The following LMTK2 variants were observed in gnomAD, a reference collection of about 807,000 sequenced individuals.
LMTK2 encodes lemur tail kinase 2, also known as serine/threonine-protein kinase LMTK2.
A neutral mutation model predicts 127.5 loss-of-function variants in LMTK2; 37 were observed. That is an observed-to-expected ratio of 0.29 (90% CI 0.22 to 0.38). The LOEUF is 0.38. Ranked by LOEUF, LMTK2 falls within the 10% of genes least tolerant of loss-of-function variation. LMTK2 has a pLI of 1.00. For synonymous variants in LMTK2, 819 were observed against 810.1 expected (o/e 1.01, Z -0.19); for missense variants, 1,694 against 1,920.3 (o/e 0.88, Z 2.20).
rs1797841792 is a variant in LMTK2, at chr7:98,208,454, C to G, written c.*2962C>G. On this transcript the variant is annotated 3_prime_UTR_variant, in exon 14 of 14. Transcript: ENST00000297293. ...GGTGGGTTTTCAAAATGTACTTGTT[C>G]TAATAAGTTGTACAATGAACTAAAT... The G allele has an allele frequency of 6.6e-6, 1 of 152,008 alleles. No homozygotes were observed. The highest frequency in any genetic ancestry group is 2.4e-5 in the African/African-American group (1 of 41,368). The allele number at this position is 152,008 out of a possible 1,614,324, so 9.4% of individuals were successfully genotyped here.
At chr7:98,126,916 T>G (rs1796453025) in intron 1 of LMTK2, among the ~76,000 whole-genome samples, 1 of 152,198 alleles carries the variant, frequency 6.6e-6, no homozygotes, top group Non-Finnish European at 1.5e-5. Context: ...GATTCTGGCT[T>G]AGGGTCTTTG....
chr7:98,146,768 A>G (rs944545643), intron 3 of LMTK2, among the ~76,000 whole-genome samples: 1 of 152,212 alleles, frequency 6.6e-6, no homozygotes, highest in African/African-American at 2.4e-5. Context: ...GTAGGAAATA[A>G]AAAGAGGCGT....
chr7:98,197,849 C>G (rs1007103466), intron 11 of LMTK2, among the ~76,000 whole-genome samples: 1 of 152,154 alleles, frequency 6.6e-6, no homozygotes, highest in Non-Finnish European at 1.5e-5. Flanking sequence ...CTGAGAGGCT[C>G]CTGCTCTCCA....
At chr7:98,151,809 G>A (rs979279709) in intron 4 of LMTK2, among the ~76,000 whole-genome samples, 13 of 152,180 alleles carry the variant, frequency 8.5e-5, no homozygotes, top group Admixed American at 3.3e-4. Flanking sequence ...TTCCTGCTGC[G>A]TCCTCCCGTG....
chr7:98,113,930 ATTCTT>A (rs1477268495), intron 1 of LMTK2, among the ~76,000 whole-genome samples: 2 of 144,288 alleles, frequency 1.4e-5, no homozygotes, highest in African/African-American at 5.3e-5. Flanking sequence ...TCATTATTAA[ATTCTT>A]TTTTTTTTTT....
In LMTK2 at chr7:98,129,242, G is replaced by A. The variant is rs142345186; in HGVS notation, c.104-8073G>A. 3.8e-3 allele frequency among the ~76,000 whole-genome samples: 581 copies of A among 151,830 alleles called. 6 individuals carry two copies. The highest frequency in any genetic ancestry group is 0.02 in the Admixed American group (300 of 15,258). On this transcript the variant is annotated intron_variant, in intron 1 of 13. Coordinates refer to ENST00000297293, the MANE Select transcript of LMTK2 (RefSeq NM_014916.4). Reference sequence around the variant, plus strand: ...TGGGACTACAGGCTCATGCCACCACGCCCGGCTAAGTTTTTGTATTTTTTT... The same window carrying A: ...TGGGACTACAGGCTCATGCCACCACACCCGGCTAAGTTTTTGTATTTTTTT...
At chr7:98,175,474 T>C (rs1797262862) in intron 7 of LMTK2, among the ~76,000 whole-genome samples, 1 of 152,206 alleles carries the variant, frequency 6.6e-6, no homozygotes, top group African/African-American at 2.4e-5. Flanking sequence ...GCCTTCAGGC[T>C]GTGTTCTGTA....
intron 7 of LMTK2, among the ~76,000 whole-genome samples, chr7:98,181,422 T>C (rs529507458): frequency 2.0e-5 from 3 of 152,276 alleles, no homozygotes; most frequent in South Asian, 2.1e-4. Flanking sequence ...ATTACAGATA[T>C]AGAAAAGCAT....
rs776491397 is a variant in LMTK2 at position 98,193,102 on chromosome 7, G to A, written c.2637G>A (p.Leu879=). Residue 879 remains leucine (L), a synonymous_variant, in exon 11 of 14, where the codon CTG becomes CTA. Transcript: ENST00000297293. The surrounding 1 kb of genome is among the most constrained non-coding windows in gnomAD (Gnocchi z 4.1). ...CAACTGATGCCAGAACCCACAGCCTGGATAACAGGTCCCAGGACTCTCCTG... is the reference window on the plus strand; with the variant it reads ...CAACTGATGCCAGAACCCACAGCCTAGATAACAGGTCCCAGGACTCTCCTG... ...ILSTDARTHS[L]DNRSQDSPGE... 6.2e-7 allele frequency: 1 copy of A among 1,613,722 alleles called. No homozygotes were observed.
At chr7:98,190,660 A>T in intron 9 of LMTK2, 68 bp from the exon 10 acceptor site, 2 of 1,423,712 alleles carry the variant, frequency 1.4e-6, no homozygotes, top group South Asian at 2.3e-5. Flanking sequence ...TGGCTATGTA[A>T]CAAGTATGAG....
At chr7:98,186,626 G>A (rs561420558) in intron 8 of LMTK2, among the ~76,000 whole-genome samples, 2 of 152,148 alleles carry the variant, frequency 1.3e-5, no homozygotes, top group African/African-American at 2.4e-5. Context: ...CAGACACAGC[G>A]TACTTTCTTA....
intron 1 of LMTK2, among the ~76,000 whole-genome samples, chr7:98,107,910 A>G (rs1484250445): frequency 2.6e-5 from 4 of 152,156 alleles, no homozygotes; most frequent in African/African-American, 9.7e-5. Flanking sequence ...TATTTTAGCT[A>G]ACGTCAGTGT....
chr7:98,131,097 C>T (rs576639379), intron 1 of LMTK2, among the ~76,000 whole-genome samples: 23 of 152,282 alleles, frequency 1.5e-4, no homozygotes, highest in African/African-American at 2.6e-4. Context: ...ACTTTCTCCA[C>T]GCCCTCGTGC....
At chr7:98,129,740 C>T (rs1202268687) in intron 1 of LMTK2, among the ~76,000 whole-genome samples, 1 of 152,084 alleles carries the variant, frequency 6.6e-6, no homozygotes, top group East Asian at 1.9e-4. Flanking sequence ...GTTTCGTTCC[C>T]TTGCTTGCTT....
intron 7 of LMTK2, among the ~76,000 whole-genome samples, chr7:98,183,126 C>T (rs1050047055): frequency 6.6e-6 from 1 of 152,230 alleles, no homozygotes; most frequent in Admixed American, 6.5e-5. Context: ...ATTCCTTTGA[C>T]ATATTTAAAA....
At chr7:98,168,534 AATC>A (rs1300628510) in intron 6 of LMTK2, among the ~76,000 whole-genome samples, 1 of 152,224 alleles carries the variant, frequency 6.6e-6, no homozygotes, top group East Asian at 1.9e-4. Context: ...TTTTCCCCAG[AATC>A]ATCCTATTAA....
At chr7:98,201,378 C>G (rs1797701370) in intron 11 of LMTK2, among the ~76,000 whole-genome samples, 4 of 152,150 alleles carry the variant, frequency 2.6e-5, no homozygotes, top group African/African-American at 9.7e-5. Context: ...TTCAGCATCC[C>G]AAATCTGAAA....
At chr7:98,139,264 G>A (rs570138359) in intron 2 of LMTK2, among the ~76,000 whole-genome samples, 126 of 152,146 alleles carry the variant, frequency 8.3e-4, no homozygotes, top group African/African-American at 2.8e-3. Flanking sequence ...GCAGGCACAC[G>A]CCATCATTCC....
In LMTK2 at chr7:98,183,778, G is replaced by A. The variant is rs935219714; in HGVS notation, c.792-1273G>A. ...TTGAACTCCTAGCCTCGAGTGATCC[G>A]CCTGCCTTAGCCTCCCAAGATGCTG... On this transcript the variant is annotated intron_variant, in intron 7 of 13. Transcript: ENST00000297293. 5.9e-5 allele frequency among the ~76,000 whole-genome samples: 9 copies of A among 152,162 alleles called. No individual in the cohort carries two copies. The East Asian group carries it at 1.5e-3, about 26-fold the overall frequency.
Sources: gnomAD v4.1 joint callset for allele counts (sites outside exome capture counted in the v4.1 genomes callset) on GRCh38, gnomAD v4.1.1 for gene constraint, Gnocchi (gnomAD v3.1) non-coding constraint, MANE v1.5 for transcripts, NCBI Gene and HGNC (gene_info 2026-07-23, HGNC 2026-07-21) for gene names.